CIMIP7: variants seen among roughly 807,000 people sequenced by gnomAD.
The protein encoded by CIMIP7 is uncharacterized protein C3orf84.
chr3:49,180,658 C>T, the CIMIP7 span, among the ~76,000 whole-genome samples: 96 of 152,132 alleles, frequency 6.3e-4, no homozygotes, highest in African/African-American at 2.1e-3. Flanking sequence ...AGGCCAGGTG[C>T]GGTGGCTCAC....
chr3:49,179,790 A>G, the CIMIP7 span, among the ~76,000 whole-genome samples: 5 of 152,332 alleles, frequency 3.3e-5, no homozygotes, highest in African/African-American at 1.2e-4. Context: ...GCTCACATCT[A>G]TAACTTCAGC....
the CIMIP7 span, among the ~76,000 whole-genome samples, chr3:49,188,645 C>A: frequency 6.6e-6 from 1 of 152,146 alleles, no homozygotes; most frequent in Non-Finnish European, 1.5e-5. Flanking sequence ...CCCCTTTGGG[C>A]TCAGTAGTAC....
chr3:49,191,636 C>T, the CIMIP7 span: 2 of 1,264,698 alleles, frequency 1.6e-6, no homozygotes, highest in African/African-American at 1.5e-5. Context: ...GGTCCTATTC[C>T]AGGTTGGATG....
the CIMIP7 span, among the ~76,000 whole-genome samples, chr3:49,179,443 G>A: frequency 6.6e-6 from 1 of 152,114 alleles, no homozygotes; most frequent in Admixed American, 6.6e-5. Context: ...CCTCCTATTT[G>A]TGATAGCCAA....
At chr3:49,182,131 A>C in the CIMIP7 span, among the ~76,000 whole-genome samples, 1 of 152,234 alleles carries the variant, frequency 6.6e-6, no homozygotes, top group Non-Finnish European at 1.5e-5. Flanking sequence ...GCGTGGACCC[A>C]AAGAGTGAGC....
the CIMIP7 span, among the ~76,000 whole-genome samples, chr3:49,181,389 ACCCGTAAT>A: frequency 6.7e-6 from 1 of 150,302 alleles, no homozygotes; most frequent in Admixed American, 6.7e-5. Context: ...AGTGGCTTAC[ACCCGTAAT>A]CCCAGGACTT....
At chr3:49,191,618 C>A in the CIMIP7 span, 1 of 1,006,632 alleles carries the variant, frequency 9.9e-7, no homozygotes, top group South Asian at 1.3e-5. Flanking sequence ...AGGAAGTGGG[C>A]GGCTCAGGGT....
At chr3:49,181,343 GAAA>G in the CIMIP7 span, among the ~76,000 whole-genome samples, 4,697 of 126,624 alleles carry the variant, frequency 0.037, 98 homozygotes, top group Non-Finnish European at 0.059. Context: ...CTATCTCCAA[GAAA>G]AAAAAAAAAA....
the CIMIP7 span, among the ~76,000 whole-genome samples, chr3:49,185,999 CTT>C: frequency 8.3e-4 from 107 of 129,130 alleles, no homozygotes; most frequent in Non-Finnish European, 6.3e-4. Context: ...TTTTATAGCT[CTT>C]TTTTTTTTTT....
the CIMIP7 span, chr3:49,177,699 G>C: frequency 5.0e-6 from 8 of 1,610,644 alleles, no homozygotes; most frequent in Non-Finnish European, 6.8e-6. Flanking sequence ...CATGAAGGTA[G>C]TGCTGCAGCA....
chr3:49,179,039 T>C, the CIMIP7 span, among the ~76,000 whole-genome samples: 110,925 of 152,034 alleles, frequency 0.73, 41,019 homozygotes, highest in East Asian at 0.99. Flanking sequence ...TGTAAATGCC[T>C]AATTGAGCAT....
the CIMIP7 span, among the ~76,000 whole-genome samples, chr3:49,182,650 C>T: frequency 3.9e-5 from 6 of 152,292 alleles, no homozygotes; most frequent in Admixed American, 1.3e-4. Context: ...CTGCCAGTCC[C>T]GCGCCGTGTG....
the CIMIP7 span, among the ~76,000 whole-genome samples, chr3:49,185,708 C>T: frequency 2.7e-5 from 4 of 150,772 alleles, no homozygotes; most frequent in Non-Finnish European, 5.9e-5. Flanking sequence ...TTTTTTTCCC[C>T]GAGACGGAGT....
the CIMIP7 span, among the ~76,000 whole-genome samples, chr3:49,189,270 A>AC: frequency 1.4e-5 from 2 of 141,200 alleles, no homozygotes; most frequent in African/African-American, 5.2e-5. Flanking sequence ...CACCTTGCCT[A>AC]TTTTTTTTTT....
the CIMIP7 span, among the ~76,000 whole-genome samples, chr3:49,186,443 G>A: frequency 3.6e-5 from 5 of 137,032 alleles, no homozygotes; most frequent in East Asian, 2.1e-4. Flanking sequence ...TCAGTCTGTC[G>A]CCCAGGCTGG....
At chr3:49,189,738 T>C in the CIMIP7 span, 3 of 512,586 alleles carry the variant, frequency 5.9e-6, no homozygotes. Flanking sequence ...AACTCAAGGC[T>C]TACTTCCTGG....
At chr3:49,191,702 C>T in the CIMIP7 span, 10 of 1,589,830 alleles carry the variant, frequency 6.3e-6, no homozygotes, top group African/African-American at 1.3e-4. Flanking sequence ...TCAGGTACAA[C>T]CAGAGGGCCA....
chr3:49,187,180 T>G, the CIMIP7 span, among the ~76,000 whole-genome samples: 1 of 152,194 alleles, frequency 6.6e-6, no homozygotes, highest in Non-Finnish European at 1.5e-5. Context: ...GCACAGTCAT[T>G]TCCTCTCTAC....
At chr3:49,178,051 CCCT>C in the CIMIP7 span, 1 of 1,591,634 alleles carries the variant, frequency 6.3e-7, no homozygotes, top group African/African-American at 1.3e-5. Flanking sequence ...GCAATAGGGA[CCCT>C]CCTCAACGGT....
Sources: gnomAD v4.1 joint callset for allele counts (sites outside exome capture counted in the v4.1 genomes callset) on GRCh38, gnomAD v4.1.1 for gene constraint, MANE v1.5 for transcripts, NCBI Gene and HGNC (gene_info 2026-07-23, HGNC 2026-07-21) for gene names.